ENPP1: variants seen among roughly 807,000 people sequenced by gnomAD.
The protein encoded by ENPP1 is ectonucleotide pyrophosphatase/phosphodiesterase 1, also known as ectonucleotide pyrophosphatase/phosphodiesterase family member 1.
A neutral mutation model predicts 122.8 loss-of-function variants in ENPP1; 73 were observed. The ratio of observed to expected loss-of-function variants is 0.59; its 90% confidence interval spans 0.49 to 0.72. ENPP1 has a LOEUF of 0.72. Among genes scored for constraint, ENPP1 ranks in the 30% least tolerant of loss-of-function variants. The pLI is 0.00. For missense variants in ENPP1, 978 were observed against 1,128.1 expected (o/e 0.87, Z 1.91); for synonymous variants, 367 against 391.6 (o/e 0.94, Z 0.74).
At chr6:131,814,080 T>C (rs1245261849) in intron 1 of ENPP1, among the ~76,000 whole-genome samples, 1 of 152,224 alleles carries the variant, frequency 6.6e-6, no homozygotes, top group East Asian at 1.9e-4. Context: ...ATTCTTCCAC[T>C]CTGGAAGACT....
At chr6:131,878,475 G>C in intron 18 of ENPP1, 67 bp from the exon 19 acceptor site, 1 of 898,262 alleles carries the variant, frequency 1.1e-6, no homozygotes, top group Admixed American at 1.8e-5. Context: ...AATCTATAGC[G>C]GTTCTATGTT....
Position 131,872,848 on chromosome 6 carries a change from T to A in ENPP1, c.1438-75T>A, listed in dbSNP as rs77123840. On this transcript the variant is annotated intron_variant, in intron 14 of 24. Transcript: ENST00000647893. Reference sequence around the variant, plus strand: ...GGGAAATATCTTTCCCTAATAAATATCTTTCCCTAAAAAAGTTGACACTTT... The same window carrying A: ...GGGAAATATCTTTCCCTAATAAATAACTTTCCCTAAAAAAGTTGACACTTT... 55 of 1,416,212 alleles carry A rather than the reference T, an allele frequency of 3.9e-5. No homozygotes were observed. The African/African-American group carries it at 6.9e-4, about 18-fold the overall frequency. 87.7% of individuals were successfully genotyped at this position (1,416,212 alleles called of 1,614,324 possible).
intron 1 of ENPP1, among the ~76,000 whole-genome samples, chr6:131,835,963 A>T (rs1781668136): frequency 6.6e-6 from 1 of 152,228 alleles, no homozygotes; most frequent in African/African-American, 2.4e-5. Flanking sequence ...AGATCCCCTA[A>T]GTGACATATG....
At chr6:131,831,790 G>A (rs529629363) in intron 1 of ENPP1, among the ~76,000 whole-genome samples, 3 of 152,270 alleles carry the variant, frequency 2.0e-5, no homozygotes, top group Non-Finnish European at 2.9e-5. Context: ...CCCGGCTGAG[G>A]TAGTCTTTTT....
At chr6:131,830,114 A>G (rs1385130138) in intron 1 of ENPP1, among the ~76,000 whole-genome samples, 2 of 152,180 alleles carry the variant, frequency 1.3e-5, no homozygotes, top group Non-Finnish European at 2.9e-5. Context: ...CACCTGTGGA[A>G]GGCAAGACAA....
rs1238092630 is a variant in ENPP1 at position 131,847,811 on chromosome 6, T to A, written c.276T>A (p.Gly92=). The A allele has an allele frequency of 6.2e-7, 1 of 1,612,074 alleles. No individual in the cohort carries two copies. Among genetic ancestry groups the A allele is most frequent in the South Asian group, 1.1e-5 (1 of 90,994 alleles). The change falls in exon 2 of 25, where the codon GGT becomes GGA. Residue 92 remains glycine, a synonymous_variant. Transcript: ENST00000647893. ...LSVCVLTTIL[G]CIFGLKPSCA... is the part of the protein sequence containing the mutation. ...TATGTGTGTTAACAACAATACTTGGTTGTATATTTGGGTTGAAACCAAGCT... is the reference window on the plus strand; with the variant it reads ...TATGTGTGTTAACAACAATACTTGGATGTATATTTGGGTTGAAACCAAGCT...
Position 131,875,842 on chromosome 6 carries a change from G to C in ENPP1, c.1702G>C (p.Glu568Gln). The change falls in exon 17 of 25, where the codon GAA becomes CAA. Residue 568 changes from glutamate (E) to glutamine (Q), a missense_variant. Physicochemically the swap from Glu to Gln is conservative, Grantham distance 29. Transcript: ENST00000647893. ...TGAGGCTGACACCTTTGAAAACATT[G>C]AAGTCTATAACTTAATGTGTGGTAA... is the stretch of plus-strand genomic sequence containing the variant. Reference protein sequence around the residue: ...GIEADTFENIEVYNLMCDLLN... With the variant: ...GIEADTFENIQVYNLMCDLLN... 6.2e-7 allele frequency: 1 copy of C among 1,613,440 alleles called. No individual in the cohort carries two copies.
rs369648108 is a variant in ENPP1, at chr6:131,854,781, C to T, written c.618-145C>T. 2.4e-3 allele frequency: 1,643 copies of T among 673,694 alleles called. 41 individuals are homozygous for T. The South Asian group carries it at 0.025, about 10-fold the overall frequency. The allele number at this position is 673,694 out of a possible 1,614,324, so 41.7% of individuals were successfully genotyped here. A position where few individuals can be genotyped will look rare whatever the true frequency, so the allele number is the denominator to read the frequency against. Reference sequence around the variant, plus strand: ...AAACGTACTTTATAAGTATGCTTGCCGACTTTGTTAGTTAGTTTTCTTAAG... The same window carrying T: ...AAACGTACTTTATAAGTATGCTTGCTGACTTTGTTAGTTAGTTTTCTTAAG... On this transcript the variant is annotated intron_variant, in intron 5 of 24. Coordinates refer to ENST00000647893, the MANE Select transcript of ENPP1 (RefSeq NM_006208.3).
chr6:131,877,866 A>AATATATATATATATAT (rs35142604), intron 18 of ENPP1: 15 of 53,024 alleles, frequency 2.8e-4, no homozygotes, highest in African/African-American at 4.7e-4. Context: ...AAAAAAAAAA[A>AATATATATATATATAT]ATATATATAT....
At chr6:131,839,050 AACTCTAATCTT>A (rs1781709802) in intron 1 of ENPP1, among the ~76,000 whole-genome samples, 1 of 152,164 alleles carries the variant, frequency 6.6e-6, no homozygotes, top group Non-Finnish European at 1.5e-5. Flanking sequence ...AGGAGAAACG[AACTCTAATCTT>A]ACCATCCTTA....
Position 131,865,123 on chromosome 6 carries a change from G to A in ENPP1, c.1164+185G>A, listed in dbSNP as rs527699564. On this transcript the variant is annotated intron_variant, in intron 11 of 24. Transcript: ENST00000647893. ...AAATAAGAGTTGGGAGAATTGTTTA[G>A]CCTGTGTTTTCCACAGTGCTAAATT... Among the ~76,000 whole-genome samples, 3 of 152,172 alleles carry A rather than the reference G, an allele frequency of 2.0e-5. No homozygotes were observed. The East Asian group carries it at 5.8e-4, about 29-fold the overall frequency.
intron 15 of ENPP1, 89 bp downstream of exon 15, chr6:131,873,139 G>A: frequency 1.5e-6 from 2 of 1,371,288 alleles, no homozygotes; most frequent in South Asian, 1.2e-5. Flanking sequence ...ATATTGTTAT[G>A]TGAAAACTGT....
intron 1 of ENPP1, among the ~76,000 whole-genome samples, chr6:131,838,531 T>G (rs974780986): frequency 2.0e-5 from 3 of 150,788 alleles, no homozygotes; most frequent in Non-Finnish European, 4.4e-5. Context: ...ACAAGTTAGA[T>G]AGTAATATTA....
At chr6:131,861,498 C>T in intron 8 of ENPP1, 97 bp from the exon 9 acceptor site, 2 of 793,888 alleles carry the variant, frequency 2.5e-6, no homozygotes, top group Non-Finnish European at 4.5e-6. Context: ...AGCATTCTAG[C>T]ACTAGAGAGG....
Position 131,886,675 on chromosome 6 carries a change from C to A in ENPP1, c.2558C>A (p.Thr853Asn), listed in dbSNP as rs1459088477. The A allele has an allele frequency of 1.2e-6, 2 of 1,614,040 alleles. No individual in the cohort carries two copies. Among genetic ancestry groups the A allele is most frequent in the Non-Finnish European group, 1.7e-6 (2 of 1,179,944 alleles). The change falls in exon 24 of 25, where the codon ACC (threonine) becomes AAC (asparagine). Residue 853 changes from threonine (T) to asparagine (N), a missense_variant. Thr to Asn is a moderately conservative substitution (Grantham distance 65, BLOSUM62 0). Transcript: ENST00000647893. ...QTPLHCENLD[T>N]LAFILPHRTD... ...CCTTTGCACTGTGAAAACCTAGACA[C>A]CTTAGCTTTCATTTTGCCTCACAGG...
At chr6:131,855,693 A>G (rs2114696986) in intron 6 of ENPP1, among the ~76,000 whole-genome samples, 1 of 152,148 alleles carries the variant, frequency 6.6e-6, no homozygotes, top group African/African-American at 2.4e-5. Context: ...AGATATTACG[A>G]GTACAGACAT....
chr6:131,831,114 C>CAAAAA lies in ENPP1; in HGVS notation c.241-16643_241-16639dup, dbSNP rs3036850. On this transcript the variant is annotated intron_variant, in intron 1 of 24. Coordinates refer to ENST00000647893, the MANE Select transcript of ENPP1 (RefSeq NM_006208.3). The stretch of plus-strand genomic sequence containing the variant: ...GGCAACAGTGTGACAGCCCATCTCT[C>CAAAAA]AAAAAAAAAAAAAAAAAAAAAAAGA... Among the ~76,000 whole-genome samples, 418 of 57,690 alleles carry CAAAAA rather than the reference C, an allele frequency of 7.2e-3. 3 individuals are homozygous for CAAAAA. Among genetic ancestry groups the CAAAAA allele is most frequent in the South Asian group, 0.015 (21 of 1,430 alleles). The allele number at this position is 57,690 out of a possible 152,430, so 37.8% of individuals were successfully genotyped here. A position where few individuals can be genotyped will look rare whatever the true frequency, so the allele number is the denominator to read the frequency against.
At chr6:131,815,448 C>T (rs762186486) in intron 1 of ENPP1, among the ~76,000 whole-genome samples, 3 of 152,200 alleles carry the variant, frequency 2.0e-5, no homozygotes, top group Non-Finnish European at 4.4e-5. Context: ...TGTAGCTCAG[C>T]TGTTTCCACT....
chr6:131,878,439 G>C, intron 18 of ENPP1, 103 bp from the exon 19 acceptor site: 1 of 768,584 alleles, frequency 1.3e-6, no homozygotes. Flanking sequence ...TATCATAAAT[G>C]ATCTTTGTTC....
Sources: gnomAD v4.1 joint callset for allele counts (sites outside exome capture counted in the v4.1 genomes callset) on GRCh38, gnomAD v4.1.1 for gene constraint, MANE v1.5 for transcripts, NCBI Gene and HGNC (gene_info 2026-07-23, HGNC 2026-07-21) for gene names.